Variants in CNTLN observed in about 807,000 individuals in gnomAD.
CNTLN encodes centlein, centrosomal protein.
Under a neutral mutation model 180.0 loss-of-function variants are expected in CNTLN, and 212 were observed. The observed-to-expected ratio is 1.18, with a 90% CI of 1.05 to 1.32. CNTLN has a LOEUF of 1.32. Ranked by LOEUF, CNTLN falls within the 40% of genes most tolerant of loss-of-function variation. CNTLN has a pLI of 0.00. For missense variants in CNTLN, 2,095 were observed against 1,610.9 expected, an observed-to-expected ratio of 1.30 and a Z score of -5.14; for synonymous variants, 722 against 563.1, an observed-to-expected ratio of 1.28 and a Z score of -3.99.
At chr9:17,269,792 T>C (rs1274163667) in intron 5 of CNTLN, among the ~76,000 whole-genome samples, 1 of 152,176 alleles carries the variant, frequency 6.6e-6, no homozygotes, top group African/African-American at 2.4e-5. Flanking sequence ...AGTGTTGTTC[T>C]ACTCCTCTAT....
At chr9:17,172,849 A>G (rs1410915726) in intron 2 of CNTLN, among the ~76,000 whole-genome samples, 2 of 152,220 alleles carry the variant, frequency 1.3e-5, no homozygotes, top group East Asian at 3.8e-4. Context: ...TAGCCTTTAC[A>G]TCAAGGCCTC....
intron 18 of CNTLN, among the ~76,000 whole-genome samples, chr9:17,420,145 C>A (rs908030690): frequency 6.6e-6 from 1 of 152,138 alleles, no homozygotes; most frequent in Non-Finnish European, 1.5e-5. Context: ...GAACTCCTAA[C>A]CTCACATGAT....
At position 17,252,355 on chromosome 9, in the gene CNTLN, A is replaced by G. The variant is rs1826194593; in HGVS notation, c.849+15767A>G. Among the ~76,000 whole-genome samples, 8 of 151,810 alleles carry G rather than the reference A, an allele frequency of 5.3e-5. No homozygotes were observed. In the South Asian group the frequency reaches 1.2e-3, roughly 24 times the overall value. ...TGTTACACTAATTTACATTTTCACC[A>G]ACAGTGTATAAGAGTTCTGTTATAT... On this transcript the variant is annotated intron_variant, in intron 5 of 25. Coordinates refer to ENST00000380647, the MANE Select transcript of CNTLN (RefSeq NM_017738.4).
intron 23 of CNTLN, among the ~76,000 whole-genome samples, chr9:17,479,003 A>G (rs1832500103): frequency 6.6e-6 from 1 of 152,216 alleles, no homozygotes; most frequent in South Asian, 2.1e-4. Flanking sequence ...GAGATAACAC[A>G]TCACACTTGT....
chr9:17,297,198 C>A (rs529027032), intron 6 of CNTLN, among the ~76,000 whole-genome samples: 2 of 152,054 alleles, frequency 1.3e-5, no homozygotes, highest in African/African-American at 4.8e-5. Context: ...ACATTATTTG[C>A]ATAGCATGTA....
chr9:17,466,587 C>G (rs1223479476), intron 22 of CNTLN, 119 bp from the exon 23 acceptor site: 1 of 743,640 alleles, frequency 1.3e-6, no homozygotes, highest in African/African-American at 1.8e-5. Flanking sequence ...TTAATTTTAC[C>G]CAAATAATAA....
intron 5 of CNTLN, among the ~76,000 whole-genome samples, chr9:17,268,673 C>T (rs1423183357): frequency 1.3e-5 from 2 of 152,176 alleles, no homozygotes; most frequent in African/African-American, 4.8e-5. Flanking sequence ...CCTCCTTGAG[C>T]TGTGGTTGGG....
intron 5 of CNTLN, among the ~76,000 whole-genome samples, chr9:17,255,977 A>T (rs189343406): frequency 3.9e-5 from 6 of 152,004 alleles, no homozygotes; most frequent in Admixed American, 2.6e-4. Context: ...TTTAGAATAC[A>T]GTTTTGTATT....
At chr9:17,471,230 T>G (rs899997363) in intron 23 of CNTLN, among the ~76,000 whole-genome samples, 4 of 152,034 alleles carry the variant, frequency 2.6e-5, no homozygotes, top group African/African-American at 9.7e-5. Flanking sequence ...CACGAATTTT[T>G]GCCTTCCTCA....
intron 25 of CNTLN, among the ~76,000 whole-genome samples, chr9:17,497,832 C>T (rs1003662978): frequency 1.3e-5 from 2 of 152,088 alleles, no homozygotes; most frequent in Admixed American, 6.6e-5. Flanking sequence ...CAGTCTTTAA[C>T]TACAAGATAA....
chr9:17,199,375 C>A (rs1165047410), intron 2 of CNTLN, among the ~76,000 whole-genome samples: 1 of 151,950 alleles, frequency 6.6e-6, no homozygotes, highest in African/African-American at 2.4e-5. Flanking sequence ...CCACACCTGG[C>A]TAATTTTTTG....
chr9:17,459,993 A>G (rs1244446607), intron 19 of CNTLN, among the ~76,000 whole-genome samples: 1 of 151,786 alleles, frequency 6.6e-6, no homozygotes, highest in African/African-American at 2.4e-5. Flanking sequence ...TTTTCTAATA[A>G]GTAGCTTATT....
chr9:17,432,877 C>T (rs947786500), intron 18 of CNTLN, among the ~76,000 whole-genome samples: 8 of 151,798 alleles, frequency 5.3e-5, no homozygotes, highest in African/African-American at 9.7e-5. Flanking sequence ...AACAATTAGC[C>T]GGGCATGGTG....
intron 12 of CNTLN, among the ~76,000 whole-genome samples, chr9:17,343,831 C>T (rs1310463936): frequency 2.0e-5 from 3 of 152,126 alleles, no homozygotes; most frequent in African/African-American, 4.8e-5. Flanking sequence ...TGTTGTCACT[C>T]CCCAGCCCTC....
chr9:17,312,553 A>ATTTTTTTTTTTTTT (rs56915301), intron 8 of CNTLN, among the ~76,000 whole-genome samples: 1 of 100,422 alleles, frequency 1.0e-5, no homozygotes, highest in African/African-American at 3.7e-5. Flanking sequence ...AGCCCGGCTA[A>ATTTTTTTTTTTTTT]TTTTTTTTTT....
chr9:17,240,792 G>GT (rs1825437350), intron 5 of CNTLN, among the ~76,000 whole-genome samples: 1 of 152,112 alleles, frequency 6.6e-6, no homozygotes, highest in African/African-American at 2.4e-5. Context: ...TCTTGTCCCT[G>GT]TGGAGTATTA....
intron 2 of CNTLN, among the ~76,000 whole-genome samples, chr9:17,157,726 C>T (rs936407329): frequency 2.6e-5 from 4 of 152,134 alleles, no homozygotes; most frequent in Non-Finnish European, 5.9e-5. Context: ...TATGTCTTTG[C>T]CAAGCATGCC....
intron 18 of CNTLN, among the ~76,000 whole-genome samples, chr9:17,435,664 G>C (rs1415349098): frequency 1.3e-5 from 2 of 151,764 alleles, no homozygotes; most frequent in East Asian, 3.9e-4. Flanking sequence ...CCGGATTCAA[G>C]AGATTCTCCT....
rs1209705957 is a variant in CNTLN at position 17,485,944 on chromosome 9, G to A, written c.4042-1045G>A. ...CAAAGACTAGATGGTGCATGTCTGT[G>A]AATAAGTGACACCTCTGCCTCTGGG... On this transcript the variant is annotated intron_variant, in intron 24 of 25. Transcript: ENST00000380647. 2.6e-5 allele frequency among the ~76,000 whole-genome samples: 4 copies of A among 152,234 alleles called. No individual in the cohort carries two copies. The East Asian group carries it at 5.8e-4, about 22-fold the overall frequency.
Sources: gnomAD v4.1 joint callset for allele counts (sites outside exome capture counted in the v4.1 genomes callset) on GRCh38, gnomAD v4.1.1 for gene constraint, MANE v1.5 for transcripts, NCBI Gene and HGNC (gene_info 2026-07-23, HGNC 2026-07-21) for gene names.